The following SRBD1 variants were observed in gnomAD, a reference collection of about 807,000 sequenced individuals.
SRBD1 encodes S1 RNA-binding domain-containing protein 1.
A neutral mutation model predicts 115.3 loss-of-function variants in SRBD1; 88 were observed. The ratio of observed to expected loss-of-function variants is 0.76; its 90% CI spans 0.64 to 0.91. The LOEUF (loss-of-function observed/expected upper bound fraction) is 0.91. Ranked by LOEUF, SRBD1 falls within the 40% of genes least tolerant of loss-of-function variation. SRBD1 has a pLI of 0.00. For missense variants in SRBD1, 1,385 were observed against 1,177.4 expected (o/e 1.18, Z -2.58); for synonymous variants, 509 against 407.7 (o/e 1.25, Z -2.99).
intron 9 of SRBD1, among the ~76,000 whole-genome samples, chr2:45,568,303 A>G (rs1672900324): frequency 6.6e-6 from 1 of 152,206 alleles, no homozygotes; most frequent in South Asian, 2.1e-4. Context: ...AGAGAGTTCC[A>G]CAGTAATTTT....
At chr2:45,420,560 A>C (rs1489396680) in intron 16 of SRBD1, among the ~76,000 whole-genome samples, 2 of 152,206 alleles carry the variant, frequency 1.3e-5, no homozygotes, top group Non-Finnish European at 2.9e-5. Flanking sequence ...CTTTAGACTT[A>C]TTTAGAAACC....
intron 16 of SRBD1, among the ~76,000 whole-genome samples, chr2:45,423,822 G>T (rs1668075877): frequency 1.3e-5 from 2 of 152,026 alleles, no homozygotes; most frequent in Admixed American, 1.3e-4. Flanking sequence ...AAATCCAACA[G>T]CCTATTAAAA....
At chr2:45,558,688 T>TC (rs1372850488) in intron 10 of SRBD1, among the ~76,000 whole-genome samples, 8 of 141,560 alleles carry the variant, frequency 5.7e-5, no homozygotes, top group Non-Finnish European at 3.1e-5. Context: ...CACAATTATT[T>TC]TTTTTTTTTT....
chr2:45,484,510 T>G (rs1268334492), intron 15 of SRBD1, among the ~76,000 whole-genome samples: 1 of 152,194 alleles, frequency 6.6e-6, no homozygotes, highest in Non-Finnish European at 1.5e-5. Flanking sequence ...AAATCCCCAG[T>G]CTTCTGCAAA....
intron 16 of SRBD1, among the ~76,000 whole-genome samples, chr2:45,441,174 G>A (rs998363491): frequency 2.0e-5 from 3 of 152,068 alleles, no homozygotes; most frequent in African/African-American, 7.3e-5. Context: ...CATTAATGTG[G>A]AGTCAGAGAG....
rs141638875 is a variant in SRBD1 at position 45,497,520 on chromosome 2, A to G, written c.1875-9189T>C. On this transcript the variant is annotated intron_variant, in intron 14 of 20. Coordinates refer to ENST00000263736, the MANE Select transcript of SRBD1 (RefSeq NM_018079.5). ...GTTTCATAAAACAGATTGCTGAGCCACACCCCCACAGTTTCTACTTCACTG... is the reference window on the plus strand; with the variant it reads ...GTTTCATAAAACAGATTGCTGAGCCGCACCCCCACAGTTTCTACTTCACTG... Among the ~76,000 whole-genome samples the G allele has an allele frequency of 9.2e-4, 140 of 152,236 alleles. 1 individual carries two copies. Among genetic ancestry groups the G allele is most frequent in the Non-Finnish European group, 1.8e-3 (120 of 68,008 alleles).
At chr2:45,443,928 G>C (rs960700530) in intron 16 of SRBD1, among the ~76,000 whole-genome samples, 3 of 151,790 alleles carry the variant, frequency 2.0e-5, no homozygotes, top group African/African-American at 7.3e-5. Flanking sequence ...TTTAATGACA[G>C]GTACTCCATA....
At chr2:45,483,965 C>G (rs902303627) in intron 15 of SRBD1, among the ~76,000 whole-genome samples, 1 of 152,008 alleles carries the variant, frequency 6.6e-6, no homozygotes. Flanking sequence ...CTAGTATAAA[C>G]TTTTCAAAAT....
chr2:45,457,156 T>A (rs986847440), intron 16 of SRBD1, among the ~76,000 whole-genome samples: 2 of 151,810 alleles, frequency 1.3e-5, no homozygotes, highest in Admixed American at 1.3e-4. Context: ...TCCTGTAACA[T>A]CGCCTAATAC....
At chr2:45,599,310 G>C (rs1674011152) in intron 4 of SRBD1, 139 bp downstream of exon 4, 1 of 1,198,846 alleles carries the variant, frequency 8.3e-7, no homozygotes, top group Admixed American at 2.4e-5. Flanking sequence ...TTACAAGTAG[G>C]AAAGCCTCCA....
chr2:45,591,701 C>A (rs1210722562), intron 4 of SRBD1, among the ~76,000 whole-genome samples: 1 of 152,230 alleles, frequency 6.6e-6, no homozygotes, highest in East Asian at 1.9e-4. Context: ...CAGGAGAGCC[C>A]CCCTCCCCAA....
chr2:45,470,136 T>C (rs1430027987), intron 16 of SRBD1, among the ~76,000 whole-genome samples: 2 of 152,344 alleles, frequency 1.3e-5, no homozygotes, highest in Middle Eastern at 6.8e-3. Flanking sequence ...GCAAACACTG[T>C]AGAACAGGCA....
chr2:45,477,578 C>T (rs1013634861), intron 15 of SRBD1, among the ~76,000 whole-genome samples: 2 of 152,058 alleles, frequency 1.3e-5, no homozygotes, highest in Non-Finnish European at 2.9e-5. Flanking sequence ...GAGATAGGGT[C>T]TCACTCTGTT....
chr2:45,546,407 C>A, intron 14 of SRBD1: 1 of 899,066 alleles, frequency 1.1e-6, no homozygotes, highest in Non-Finnish European at 1.3e-6. Context: ...TAGCTGCTAG[C>A]CTGGTACATC....
chr2:45,562,040 C>G (rs1347063659), intron 10 of SRBD1, among the ~76,000 whole-genome samples: 1 of 152,128 alleles, frequency 6.6e-6, no homozygotes, highest in Non-Finnish European at 1.5e-5. Context: ...ACAAAAGTTT[C>G]AAATAGTACA....
At chr2:45,414,592 T>TACACATAGTGTGTATAGTGTGTGTAC (rs1558562982) in intron 18 of SRBD1, among the ~76,000 whole-genome samples, 7 of 149,328 alleles carry the variant, frequency 4.7e-5, no homozygotes, top group Non-Finnish European at 1.0e-4. Context: ...AGTGTGTGTG[T>TACACATAGTGTGTATAGTGTGTGTAC]ACACATAGTG....
chr2:45,507,232 A>G (rs1457566685), intron 14 of SRBD1, among the ~76,000 whole-genome samples: 4 of 152,152 alleles, frequency 2.6e-5, no homozygotes, highest in Non-Finnish European at 5.9e-5. Context: ...CACACATCTC[A>G]TAATTTCCAG....
intron 5 of SRBD1, among the ~76,000 whole-genome samples, chr2:45,582,162 T>C (rs762461329): frequency 6.6e-6 from 1 of 152,194 alleles, no homozygotes; most frequent in Non-Finnish European, 1.5e-5. Context: ...GCAACTACAG[T>C]CTCCTTCAAG....
chr2:45,597,423 A>C, intron 4 of SRBD1, among the ~76,000 whole-genome samples: 1 of 141,066 alleles, frequency 7.1e-6, no homozygotes, highest in Middle Eastern at 3.3e-3. Context: ...CTGTCTCACA[A>C]AAAAAAAAAA....
Sources: gnomAD v4.1 joint callset for allele counts (sites outside exome capture counted in the v4.1 genomes callset) on GRCh38, gnomAD v4.1.1 for gene constraint, MANE v1.5 for transcripts, NCBI Gene and HGNC (gene_info 2026-07-23, HGNC 2026-07-21) for gene names.